TTLL10: variants seen among roughly 807,000 people sequenced by gnomAD.
TTLL10 encodes the protein tubulin tyrosine ligase like 10.
In TTLL10, 61 loss-of-function variants were observed where a neutral mutation model predicts 69.0. That is an observed-to-expected ratio of 0.88 (90% CI 0.72 to 1.09). The LOEUF is 1.09. Ranked by LOEUF, TTLL10 falls within the 50% of genes least tolerant of loss-of-function variation. The pLI, the probability that TTLL10 is intolerant of heterozygous loss-of-function variation, is 0.00. For synonymous variants in TTLL10, 408 were observed against 393.3 expected (o/e 1.04, Z -0.44); for missense variants, 962 against 945.9 (o/e 1.02, Z -0.22).
rs1220875024 is a variant in TTLL10 at position 1,180,223 on chromosome 1, C to A, written c.389C>A (p.Ala130Asp). The change falls in exon 6 of 16, where the codon GCC (alanine) becomes GAC (aspartate). Residue 130 changes from alanine (A) to aspartate (D), a missense_variant. By Grantham distance (126) the Ala-to-Asp change is moderately radical (BLOSUM62 -2). Transcript: ENST00000379289. ...HRPADSDDTN[A>D]AGPSAALLEG... Reference sequence around the variant, plus strand: ...CCTGCAGACTCGGATGACACTAACGCCGCCGGGCCCTCAGCTGCCCTCCTG... The same window carrying A: ...CCTGCAGACTCGGATGACACTAACGACGCCGGGCCCTCAGCTGCCCTCCTG... 6.2e-7 allele frequency: 1 copy of A among 1,609,356 alleles called. No individual in the cohort carries two copies. The highest frequency in any genetic ancestry group is 1.3e-5 in the African/African-American group (1 of 74,876).
intron 3 of TTLL10, chr1:1,176,079 C>G (rs775100667): frequency 2.4e-6 from 1 of 424,316 alleles, no homozygotes; most frequent in Non-Finnish European, 4.6e-6. Context: ...GAGAGGCTGC[C>G]GCTGTGCAGG....
intron 13 of TTLL10, among the ~76,000 whole-genome samples, chr1:1,191,077 G>GC (rs1402675060): frequency 3.3e-5 from 5 of 152,170 alleles, no homozygotes; most frequent in African/African-American, 1.2e-4. Context: ...TGATCCGCCT[G>GC]CCAAAGTGCT....
At chr1:1,183,882 C>G (rs755747230) in intron 11 of TTLL10, 38 bp from the exon 12 acceptor site, 3 of 1,612,020 alleles carry the variant, frequency 1.9e-6, no homozygotes, top group Non-Finnish European at 2.5e-6. Context: ...AGGCTGGCCC[C>G]GTGGCTCAGC....
rs532814209 is a variant in TTLL10, at chr1:1,197,429, C to G, written c.1613-9C>G. ...CCCCCACTCACCCTCTCTCCCCCAC[C>G]CGCACCAGACCTGGTGCTCGAGACC... On this transcript the variant is annotated splice_polypyrimidine_tract_variant and intron_variant, in intron 15 of 15. Coordinates refer to ENST00000379289, the MANE Select transcript of TTLL10 (RefSeq NM_001130045.2). 1.3e-4 allele frequency: 200 copies of G among 1,524,384 alleles called. No individual in the cohort carries two copies. In the Middle Eastern group the frequency reaches 1.6e-3, roughly 12 times the overall value. The allele number at this position is 1,524,384 out of a possible 1,614,324, so 94.4% of individuals were successfully genotyped here.
At chr1:1,176,000 C>T (rs1168563690) in intron 3 of TTLL10, 15 of 435,108 alleles carry the variant, frequency 3.4e-5, no homozygotes, top group Non-Finnish European at 6.8e-5. Context: ...GGCTGCTGCT[C>T]CCAGCCACTG....
intron 13 of TTLL10, among the ~76,000 whole-genome samples, chr1:1,194,858 C>T (rs1648087545): frequency 6.6e-6 from 1 of 152,146 alleles, no homozygotes; most frequent in Admixed American, 6.5e-5. Flanking sequence ...AGTTTTCTGC[C>T]ATTATTTTTT....
In TTLL10 at chr1:1,181,163, G is replaced by A. The variant is rs563493101; in HGVS notation, c.755+303G>A. Among the ~76,000 whole-genome samples the A allele has an allele frequency of 2.7e-4, 41 of 151,092 alleles. No individual in the cohort carries two copies. Among genetic ancestry groups the A allele is most frequent in the African/African-American group, 8.8e-4 (36 of 41,032 alleles). ...CCCACCCTCTTCCTCGTGGCTGAACGGGGAAGATCCCACACGTCCCCAACC... is the reference window on the plus strand; with the variant it reads ...CCCACCCTCTTCCTCGTGGCTGAACAGGGAAGATCCCACACGTCCCCAACC... On this transcript the variant is annotated intron_variant, in intron 8 of 15. Coordinates refer to ENST00000379289, the MANE Select transcript of TTLL10 (RefSeq NM_001130045.2). This position sits in a 1 kb window ranked among gnomAD's most constrained non-coding sequence, Gnocchi z 4.6.
rs1250518903 is a variant in TTLL10 at position 1,179,334 on chromosome 1, G to C, written c.118+1G>C. ...CAGAGGCCTCGGGCTCGAGTCTCAG[G>C]TGAATAGAGCAGCCCTGGGTGGCCT... is the stretch of plus-strand genomic sequence containing the variant. On this transcript the variant is annotated splice_donor_variant, in intron 4 of 15. Transcript: ENST00000379289. LOFTEE classifies it high-confidence loss of function. 1.3e-6 allele frequency: 2 copies of C among 1,551,016 alleles called. No homozygotes were observed. The highest frequency in any genetic ancestry group is 3.9e-5 in the Admixed American group (2 of 50,986).
rs1185920812 is a variant in TTLL10, at chr1:1,197,501, A to G, written c.1676A>G (p.Gln559Arg). Reference protein sequence around the residue: ...RGQKMLPLLSQRRFVLLHNGE... With the variant: ...RGQKMLPLLSRRRFVLLHNGE... ...CAGAAGATGTTGCCTCTGCTGTCCC[A>G]GCGCCGCTTCGTGCTCCTGCACAAC... Residue 559 changes from glutamine to arginine, a missense_variant, in exon 16 of 16, where the codon CAG becomes CGG. Gln to Arg is a conservative substitution (Grantham distance 43). Coordinates refer to ENST00000379289, the MANE Select transcript of TTLL10 (RefSeq NM_001130045.2). The G allele has an allele frequency of 1.9e-6, 3 of 1,543,660 alleles. No individual in the cohort carries two copies. The African/African-American group carries it at 4.1e-5, about 21-fold the overall frequency.
Position 1,181,753 on chromosome 1 carries a change from C to T in TTLL10, c.768C>T (p.Asp256=), listed in dbSNP as rs756418844. The change falls in exon 9 of 16, where the codon GAC becomes GAT. Residue 256 remains aspartate, a synonymous_variant. Coordinates refer to ENST00000379289, the MANE Select transcript of TTLL10 (RefSeq NM_001130045.2). This position sits in a 1 kb window ranked among gnomAD's most constrained non-coding sequence, Gnocchi z 4.6. ...CCCTGGGCTGCAGGCTGGAAAAGGACGCAGCAGCGCCCGCCCTGGAGGACC... is the reference window on the plus strand; with the variant it reads ...CCCTGGGCTGCAGGCTGGAAAAGGATGCAGCAGCGCCCGCCCTGGAGGACC... ...PGGVQARLEK[D]AAAPALEDLP... The T allele has an allele frequency of 2.6e-5, 41 of 1,604,242 alleles. No individual in the cohort carries two copies. In the Admixed American group the frequency reaches 5.1e-4, roughly 20 times the overall value.
At chr1:1,192,763 C>T (rs532197569) in intron 13 of TTLL10, among the ~76,000 whole-genome samples, 15 of 151,688 alleles carry the variant, frequency 9.9e-5, no homozygotes, top group African/African-American at 3.4e-4. Context: ...GTAGACACTC[C>T]AGTTGTTCAT....
Position 1,195,419 on chromosome 1 carries a change from A to C in TTLL10, c.1402-1181A>C, listed in dbSNP as rs186463558. Among the ~76,000 whole-genome samples the C allele has an allele frequency of 4.2e-3, 641 of 150,922 alleles. 5 individuals are homozygous for C. Among genetic ancestry groups the C allele is most frequent in the African/African-American group, 0.012 (511 of 41,010 alleles). On this transcript the variant is annotated intron_variant, in intron 13 of 15. Coordinates refer to ENST00000379289, the MANE Select transcript of TTLL10 (RefSeq NM_001130045.2). ...TACTTTTGTTCTACTTTTCAACTTC[A>C]GAATTTCTATTTGATTCTCTTTTAT...
chr1:1,196,250 A>C, intron 13 of TTLL10: 2 of 243,170 alleles, frequency 8.2e-6, no homozygotes, highest in South Asian at 1.3e-4. Flanking sequence ...AGAGGATGAA[A>C]CCAGAGCACG....
chr1:1,181,839 G>T lies in TTLL10; in HGVS notation c.830+24G>T. The T allele has an allele frequency of 1.3e-6, 2 of 1,587,946 alleles. No individual in the cohort carries two copies. The highest frequency in any genetic ancestry group is 1.7e-6 in the Non-Finnish European group (2 of 1,167,050). On this transcript the variant is annotated intron_variant, in intron 9 of 15. Transcript: ENST00000379289. The surrounding 1 kb of genome is among the most constrained non-coding windows in gnomAD (Gnocchi z 4.6). ...AGGTAGACTCAGCCCAGCTGTGAGG[G>T]GCCCTTCAGACCGAAGTTCAGACCT... is the stretch of plus-strand genomic sequence containing the variant.
In TTLL10 at chr1:1,185,485, G is replaced by A. The variant is rs1168840518; in HGVS notation, c.1401+376G>A. The A allele has an allele frequency of 7.4e-6, 8 of 1,074,582 alleles. No homozygotes were observed. Among genetic ancestry groups the A allele is most frequent in the Non-Finnish European group, 9.0e-6 (8 of 887,438 alleles). 66.6% of individuals were successfully genotyped at this position (1,074,582 alleles called of 1,614,324 possible). A position where few individuals can be genotyped will look rare whatever the true frequency, so the allele number is the denominator to read the frequency against. ...AGCAGCCCCCGGGCCAGGTGTCCTG[G>A]AGCAGCAGCAGCTGCCCGTGCAGGC... is the stretch of plus-strand genomic sequence containing the variant. On this transcript the variant is annotated intron_variant, in intron 13 of 15. Transcript: ENST00000379289. The surrounding 1 kb of genome is among the most constrained non-coding windows in gnomAD (Gnocchi z 6.1).
chr1:1,181,881 G>A lies in TTLL10; in HGVS notation c.830+66G>A. ...TTCAGACCTAAACCTGGTGTCGTCT[G>A]AAAAGGAGAAAGCGGGGCGGGGGTC... On this transcript the variant is annotated intron_variant, in intron 9 of 15. Transcript: ENST00000379289. The surrounding 1 kb of genome is among the most constrained non-coding windows in gnomAD (Gnocchi z 4.6). The A allele has an allele frequency of 6.9e-7, 1 of 1,455,292 alleles. No homozygotes were observed. The highest frequency in any genetic ancestry group is 9.4e-7 in the Non-Finnish European group (1 of 1,061,592). 90.1% of individuals were successfully genotyped at this position (1,455,292 alleles called of 1,614,324 possible). A position where few individuals can be genotyped will look rare whatever the true frequency, so the allele number is the denominator to read the frequency against.
chr1:1,193,179 G>C (rs1369315345), intron 13 of TTLL10, among the ~76,000 whole-genome samples: 1 of 152,030 alleles, frequency 6.6e-6, no homozygotes, highest in African/African-American at 2.4e-5. Context: ...CAAAACATTA[G>C]CCAGGCGTGG....
chr1:1,182,083 C>T (rs932152263), intron 9 of TTLL10, among the ~76,000 whole-genome samples: 9 of 152,182 alleles, frequency 5.9e-5, no homozygotes, highest in African/African-American at 2.2e-4. Context: ...ATGGCTGAGA[C>T]GGTGCCAGCC....
intron 13 of TTLL10, among the ~76,000 whole-genome samples, chr1:1,191,544 T>TGGA (rs1647777986): frequency 6.6e-6 from 1 of 152,244 alleles, no homozygotes; most frequent in Non-Finnish European, 1.5e-5. Context: ...CCATGTGCAC[T>TGGA]GGAGAAGGAG....
Sources: gnomAD v4.1 joint callset for allele counts (sites outside exome capture counted in the v4.1 genomes callset) on GRCh38, gnomAD v4.1.1 for gene constraint, Gnocchi (gnomAD v3.1) non-coding constraint, MANE v1.5 for transcripts, NCBI Gene and HGNC (gene_info 2026-07-23, HGNC 2026-07-21) for gene names.